The following DNMT3B variants were observed in gnomAD, a reference collection of about 807,000 sequenced individuals.
DNMT3B encodes the protein DNA (cytosine-5)-methyltransferase 3B.
A neutral mutation model predicts 120.2 loss-of-function variants in DNMT3B; 37 were observed. That is an observed-to-expected ratio of 0.31 (90% confidence interval 0.24 to 0.40). DNMT3B has a LOEUF of 0.40. Ranked by LOEUF, DNMT3B falls within the 10% of genes least tolerant of loss-of-function variation. The pLI, the probability that DNMT3B is intolerant of heterozygous loss-of-function variation, is 1.00. For synonymous variants in DNMT3B, 412 were observed against 442.8 expected (o/e 0.93, Z 0.87); for missense variants, 878 against 1,137.3 (o/e 0.77, Z 3.28).
At chr20:32,764,278 C>A (rs374227253) in intron 1 of DNMT3B, among the ~76,000 whole-genome samples, 2 of 152,148 alleles carry the variant, frequency 1.3e-5, no homozygotes, top group African/African-American at 2.4e-5. Flanking sequence ...CAGTCTTATG[C>A]GTGAATTAAC....
At position 32,788,954 on chromosome 20, in the gene DNMT3B, G is replaced by A. The variant is rs754201724; in HGVS notation, c.755G>A (p.Arg252Gln). The change falls in exon 7 of 23, where the codon CGA becomes CAA. Residue 252 changes from arginine (R) to glutamine (Q), a missense_variant. Physicochemically the swap from Arg to Gln is conservative, Grantham distance 43. This residue lies in a region of DNMT3B where 50 missense variants were observed against 89.7 expected (regional missense o/e 0.56). Coordinates refer to ENST00000328111, the MANE Select transcript of DNMT3B (RefSeq NM_006892.4). ...MVVSWKATSK[R>Q]QAMSGMRWVQ... Reference sequence around the variant, plus strand: ...GTGTCTTGGAAGGCCACCTCCAAGCGACAGGCTATGTCTGGCATGCGGTGG... The same window carrying A: ...GTGTCTTGGAAGGCCACCTCCAAGCAACAGGCTATGTCTGGCATGCGGTGG... The A allele has an allele frequency of 6.8e-6, 11 of 1,614,216 alleles. No individual in the cohort carries two copies. Among genetic ancestry groups the A allele is most frequent in the South Asian group, 1.1e-5 (1 of 91,084 alleles).
At chr20:32,768,546 C>T (rs1987527153) in intron 1 of DNMT3B, among the ~76,000 whole-genome samples, 1 of 151,944 alleles carries the variant, frequency 6.6e-6, no homozygotes, top group Non-Finnish European at 1.5e-5. Context: ...AGGCTGGTCT[C>T]AAATTCCTAG....
chr20:32,796,728 G>A, intron 12 of DNMT3B, 62 bp from the exon 13 acceptor site: 1 of 1,586,986 alleles, frequency 6.3e-7, no homozygotes, highest in South Asian at 1.1e-5. Flanking sequence ...AGAGACCCCA[G>A]GCTTTAGCAG....
chr20:32,768,573 A>G (rs1044518486), intron 1 of DNMT3B, among the ~76,000 whole-genome samples: 1 of 151,966 alleles, frequency 6.6e-6, no homozygotes, highest in Non-Finnish European at 1.5e-5. Flanking sequence ...GTGTAATCCC[A>G]AAGTGCTGGG....
intron 1 of DNMT3B, chr20:32,780,066 C>T (rs747356795): frequency 1.2e-6 from 2 of 1,606,016 alleles, no homozygotes; most frequent in African/African-American, 2.7e-5. Flanking sequence ...CCTGGCCTCC[C>T]CACTCTGTCC....
rs1214237513 is a variant in DNMT3B at position 32,800,862 on chromosome 20, G to A, written c.1933G>A (p.Val645Met). Reference protein sequence around the residue: ...NIEEWGPFDLVIGGSPCNDLS... With the variant: ...NIEEWGPFDLMIGGSPCNDLS... ...TGAAGAATGGGGCCCATTTGACTTG[G>A]TGATTGGCGGAAGCCCATGCAACGA... The change falls in exon 18 of 23, where the codon GTG becomes ATG. Residue 645 changes from valine (V) to methionine (M), a missense_variant. Physicochemically the swap from Val to Met is conservative, Grantham distance 21. This residue lies in a region of DNMT3B where 334 missense variants were observed against 518.8 expected (regional missense o/e 0.64). Coordinates refer to ENST00000328111, the MANE Select transcript of DNMT3B (RefSeq NM_006892.4). The A allele has an allele frequency of 6.2e-7, 1 of 1,614,222 alleles. No homozygotes were observed. The highest frequency in any genetic ancestry group is 8.5e-7 in the Non-Finnish European group (1 of 1,180,044).
At chr20:32,795,723 C>T (rs1301728120) in intron 12 of DNMT3B, 29 bp downstream of exon 12, 10 of 1,613,774 alleles carry the variant, frequency 6.2e-6, no homozygotes, top group South Asian at 2.2e-5. Context: ...CAGTCATCCC[C>T]CTCACACCCT....
rs569273636 is a variant in DNMT3B, at chr20:32,785,480, T to G, written c.306+621T>G. Among the ~76,000 whole-genome samples the G allele has an allele frequency of 5.7e-4, 87 of 152,274 alleles. 1 individual carries two copies. The highest frequency in any genetic ancestry group is 2.0e-3 in the African/African-American group (85 of 41,550). ...TGACCTAGGGAGTCCACCATTTCTG[T>G]GGGTGGATTTTGTGCCTCAGAGTTT... is the stretch of plus-strand genomic sequence containing the variant. On this transcript the variant is annotated intron_variant, in intron 4 of 22. Transcript: ENST00000328111.
In DNMT3B at chr20:32,786,642, T is replaced by C. The variant is rs1979326679; in HGVS notation, c.432+15T>C. ...CGGCTACCAGGGTTGGTTCCCCAGATGCCCAGACCCCTGCCCGCAGTCTCT... is the reference window on the plus strand; with the variant it reads ...CGGCTACCAGGGTTGGTTCCCCAGACGCCCAGACCCCTGCCCGCAGTCTCT... On this transcript the variant is annotated intron_variant, in intron 5 of 22. Transcript: ENST00000328111. 1 of 1,613,692 alleles carries C rather than the reference T, an allele frequency of 6.2e-7. No individual in the cohort carries two copies. Among genetic ancestry groups the C allele is most frequent in the African/African-American group, 1.3e-5 (1 of 75,080 alleles).
chr20:32,800,532 C>T lies in DNMT3B; in HGVS notation c.1905+234C>T, dbSNP rs149810669. On this transcript the variant is annotated intron_variant, in intron 17 of 22. Transcript: ENST00000328111. ...GGAGTGCAGTGGCATGATCTCAGCT[C>T]ACTGTAACCTCTGCCTCCCGGGTTT... is the stretch of plus-strand genomic sequence containing the variant. Among the ~76,000 whole-genome samples, 481 of 152,284 alleles carry T rather than the reference C, an allele frequency of 3.2e-3. 1 individual carries two copies. The highest frequency in any genetic ancestry group is 0.011 in the African/African-American group (453 of 41,556).
chr20:32,785,351 T>C (rs1979145371), intron 4 of DNMT3B, among the ~76,000 whole-genome samples: 1 of 152,226 alleles, frequency 6.6e-6, no homozygotes, highest in African/African-American at 2.4e-5. Context: ...GAAGGTTTTC[T>C]CTATGTGCCA....
chr20:32,771,894 T>G (rs182036084), intron 1 of DNMT3B, among the ~76,000 whole-genome samples: 5 of 152,318 alleles, frequency 3.3e-5, no homozygotes, highest in Admixed American at 1.3e-4. Flanking sequence ...GTTTTCCGAT[T>G]GTAAAAGTTA....
intron 20 of DNMT3B, 111 bp from the exon 21 acceptor site, chr20:32,805,227 C>T: frequency 1.5e-6 from 2 of 1,326,270 alleles, no homozygotes; most frequent in Non-Finnish European, 2.2e-6. Context: ...TATTTGTAGC[C>T]AAGTTCACTG....
At chr20:32,762,997 A>T (rs1987067547) in intron 1 of DNMT3B, among the ~76,000 whole-genome samples, 9 of 151,990 alleles carry the variant, frequency 5.9e-5, no homozygotes, top group Admixed American at 5.9e-4. Context: ...CGAAGAGGAG[A>T]GAAGCTTGCT....
intron 1 of DNMT3B, among the ~76,000 whole-genome samples, chr20:32,778,671 C>A (rs941888849): frequency 1.3e-5 from 2 of 152,224 alleles, no homozygotes; most frequent in Non-Finnish European, 2.9e-5. Context: ...GCCAGTGCAG[C>A]TTGGAGCCCG....
In DNMT3B at chr20:32,774,456, A is replaced by T. The variant is rs574241745; in HGVS notation, c.-6-5862A>T. Among the ~76,000 whole-genome samples the T allele has an allele frequency of 1.1e-4, 16 of 146,352 alleles. No homozygotes were observed. In the East Asian group the frequency reaches 2.9e-3, roughly 27 times the overall value. On this transcript the variant is annotated intron_variant, in intron 1 of 22. Coordinates refer to ENST00000328111, the MANE Select transcript of DNMT3B (RefSeq NM_006892.4). Reference sequence around the variant, plus strand: ...GAGCTCCTGACCTCGTGATCTGCCCACGTCGGCCTCCCAAAGTGCTGGGAT... The same window carrying T: ...GAGCTCCTGACCTCGTGATCTGCCCTCGTCGGCCTCCCAAAGTGCTGGGAT...
chr20:32,770,345 A>G (rs193232929), intron 1 of DNMT3B, among the ~76,000 whole-genome samples: 165 of 152,016 alleles, frequency 1.1e-3, no homozygotes, highest in Admixed American at 2.9e-3. Flanking sequence ...CTGGAATGCA[A>G]TGGTGTGATC....
At position 32,800,918 on chromosome 20, in the gene DNMT3B, C is replaced by T; in HGVS notation, c.1989C>T (p.Gly663=). The T allele has an allele frequency of 6.2e-7, 1 of 1,614,208 alleles. No homozygotes were observed. The highest frequency in any genetic ancestry group is 8.5e-7 in the Non-Finnish European group (1 of 1,180,034). The change falls in exon 18 of 23, where the codon GGC becomes GGT. Residue 663 remains glycine, a synonymous_variant. Transcript: ENST00000328111. ...DLSNVNPARK[G]LYEGTGRLFF... is the part of the protein sequence containing the mutation. ...CAAATGTGAATCCAGCCAGGAAAGG[C>T]CTGTATGGTGAGCATCCTTCTCTCT...
rs985259645 is a variant in DNMT3B at position 32,780,042 on chromosome 20, C to G, written c.-6-276C>G. ...GGCTAATTGCACAGAGCAGTCTGAG[C>G]CTGAGACCCCAGCCCTGGCCTCCCC... On this transcript the variant is annotated intron_variant, in intron 1 of 22. Transcript: ENST00000328111. 3.5e-5 allele frequency: 56 copies of G among 1,579,272 alleles called. 1 individual carries two copies. The Middle Eastern group carries it at 2.2e-3, about 61-fold the overall frequency.
Sources: allele counts gnomAD v4.1 joint callset (sites outside exome capture counted in the v4.1 genomes callset), GRCh38; gene constraint gnomAD v4.1.1; regional missense constraint gnomAD v4.1.1; transcripts MANE v1.5; gene names NCBI Gene and HGNC (gene_info 2026-07-23, HGNC 2026-07-21).